The following ALDH3A2 variants were observed in gnomAD, a reference collection of about 807,000 sequenced individuals.
The protein encoded by ALDH3A2 is aldehyde dehydrogenase family 3 member A2.
A neutral mutation model predicts 51.3 loss-of-function variants in ALDH3A2; 36 were observed. The ratio of observed to expected loss-of-function variants is 0.70; its 90% CI spans 0.54 to 0.93. The LOEUF (loss-of-function observed/expected upper bound fraction) is 0.93. ALDH3A2 is among the 40% of genes least tolerant of loss of function. The pLI is 0.00. For missense variants in ALDH3A2, 552 were observed against 603.1 expected (o/e 0.92, Z 0.89); for synonymous variants, 199 against 219.8 (o/e 0.91, Z 0.84).
intron 9 of ALDH3A2, among the ~76,000 whole-genome samples, chr17:19,673,833 A>G (rs1313516696): frequency 6.6e-6 from 1 of 152,240 alleles, no homozygotes; most frequent in Non-Finnish European, 1.5e-5. Flanking sequence ...AAAAGGGTGA[A>G]GTGACTTGCT....
rs1195431203 is a variant in ALDH3A2 at position 19,652,596 on chromosome 17, G to A, written c.435G>A (p.Lys145=). The stretch of plus-strand genomic sequence containing the variant: ...CTGAACTGAGTGAAAATACAGCCAA[G>A]ATCTTGGCAAAGCTTCTCCCTCAGT... ...KPSELSENTA[K]ILAKLLPQYL... is the part of the protein sequence containing the mutation. Residue 145 remains lysine, a synonymous_variant, in exon 3 of 10, where the codon AAG becomes AAA. Transcript: ENST00000176643. 5 of 1,613,968 alleles carry A rather than the reference G, an allele frequency of 3.1e-6. No individual in the cohort carries two copies. Among genetic ancestry groups the A allele is most frequent in the Non-Finnish European group, 4.2e-6 (5 of 1,179,960 alleles).
At chr17:19,648,719 G>A, upstream of ALDH3A2, 1 of 566,344 alleles carries the variant, frequency 1.8e-6, no homozygotes, top group Admixed American at 3.1e-5. Flanking sequence ...GGGCCGCCCA[G>A]GCCAATAGGG....
intron 8 of ALDH3A2, among the ~76,000 whole-genome samples, chr17:19,668,270 C>T (rs114034513): frequency 0.022 from 3,410 of 152,096 alleles, 68 homozygotes; most frequent in African/African-American, 0.051. Context: ...TATTTAGAGA[C>T]AGAGTCTCAC....
In ALDH3A2 at chr17:19,651,619, C is replaced by T. The variant is rs2084815700; in HGVS notation, c.226C>T (p.Pro76Ser). The change falls in exon 2 of 10, where the codon CCT becomes TCT. Residue 76 changes from proline to serine, a missense_variant. Physicochemically the swap from Pro to Ser is moderately conservative, Grantham distance 74. Transcript: ENST00000176643. Reference protein sequence around the residue: ...GEIDFMLENLPEWVTAKPVKK... With the variant: ...GEIDFMLENLSEWVTAKPVKK... ...AATTGATTTTATGCTTGAGAATCTT[C>T]CTGAATGGGTTACTGCTAAACCAGT... 6.2e-7 allele frequency: 1 copy of T among 1,614,178 alleles called. No individual in the cohort carries two copies.
intron 7 of ALDH3A2, 116 bp downstream of exon 7, chr17:19,663,615 A>G (rs2084997939): frequency 6.3e-6 from 8 of 1,259,964 alleles, no homozygotes; most frequent in East Asian, 2.5e-5. Flanking sequence ...CTTTTGTGTC[A>G]TGTCAGAGTC....
intron 3 of ALDH3A2, among the ~76,000 whole-genome samples, chr17:19,655,751 A>G (rs138744243): frequency 7.9e-5 from 12 of 152,348 alleles, no homozygotes; most frequent in African/African-American, 2.6e-4. Context: ...TGATAGCACA[A>G]TGCATAGATG....
intron 5 of ALDH3A2, among the ~76,000 whole-genome samples, chr17:19,659,028 T>TA (rs1384281427): frequency 6.6e-6 from 1 of 152,034 alleles, no homozygotes; most frequent in African/African-American, 2.4e-5. Context: ...GGTGAGGAGT[T>TA]AGAGACCAGT....
chr17:19,664,043 C>A (rs1335490847), intron 7 of ALDH3A2, among the ~76,000 whole-genome samples: 1 of 152,164 alleles, frequency 6.6e-6, no homozygotes, highest in Non-Finnish European at 1.5e-5. Context: ...CACTAGGTGA[C>A]CAGCCGCTAC....
intron 6 of ALDH3A2, chr17:19,661,479 C>T (rs2084965908): frequency 1.7e-6 from 1 of 579,636 alleles, no homozygotes; most frequent in Non-Finnish European, 3.0e-6. Context: ...ACCAGCGTTG[C>T]TCCAGTTGTT....
intron 1 of ALDH3A2, 44 bp from the exon 2 acceptor site, chr17:19,651,503 A>G: frequency 6.6e-7 from 1 of 1,511,346 alleles, no homozygotes; most frequent in Non-Finnish European, 9.2e-7. Flanking sequence ...GGCCAAGTGT[A>G]TCATACTTAC....
chr17:19,649,079 G>A lies in ALDH3A2; in HGVS notation c.108G>A (p.Glu36=), dbSNP rs1408633572. 1 of 1,583,442 alleles carries A rather than the reference G, an allele frequency of 6.3e-7. No individual in the cohort carries two copies. Among genetic ancestry groups the A allele is most frequent in the African/African-American group, 1.3e-5 (1 of 74,496 alleles). The change falls in exon 1 of 10, where the codon GAG becomes GAA. Residue 36 remains glutamate (E), a synonymous_variant. Coordinates refer to ENST00000176643, the MANE Select transcript of ALDH3A2 (RefSeq NM_000382.3). ...AGGCCCTGCGGAGGATGGTGCAGGA[G>A]CGCGAGAAGGATATCCTGACGGCCA... ...QLEALRRMVQ[E]REKDILTAIA...
intron 2 of ALDH3A2, among the ~76,000 whole-genome samples, chr17:19,651,984 C>G (rs954343865): frequency 5.9e-5 from 9 of 152,068 alleles, no homozygotes; most frequent in Non-Finnish European, 1.3e-4. Flanking sequence ...TTTGAAGCAC[C>G]TGGGGAATGA....
rs941765617 is a variant in ALDH3A2 at position 19,672,275 on chromosome 17, A to T, written c.1443+319A>T. ...GGTCTAAGAGATTAAAACAGCGTAG[A>T]ACTTGATTGCAGAATTCTGAGCTGT... On this transcript the variant is annotated intron_variant, in intron 9 of 9. Transcript: ENST00000176643. 39 of 399,756 alleles carry T rather than the reference A, an allele frequency of 9.8e-5. No homozygotes were observed. The Admixed American group carries it at 1.5e-3, about 15-fold the overall frequency. 24.8% of individuals were successfully genotyped at this position (399,756 alleles called of 1,614,324 possible). A position where few individuals can be genotyped will look rare whatever the true frequency, so the allele number is the denominator to read the frequency against.
chr17:19,649,195 G>A (rs2084780741), intron 1 of ALDH3A2, 71 bp downstream of exon 1: 2 of 1,518,058 alleles, frequency 1.3e-6, no homozygotes, highest in East Asian at 2.5e-5. Flanking sequence ...AGCTTCGGCT[G>A]GGTTTTGTTT....
At chr17:19,673,146 C>CTCAGAAATAG in intron 9 of ALDH3A2, 1 of 1,614,172 alleles carries the variant, frequency 6.2e-7, no homozygotes, top group Non-Finnish European at 8.5e-7. Flanking sequence ...TTTGGGTTTT[C>CTCAGAAATAG]TCAGAAATAC....
At chr17:19,675,341 T>G in intron 9 of ALDH3A2, 1 of 598,284 alleles carries the variant, frequency 1.7e-6, no homozygotes, top group Non-Finnish European at 3.0e-6. Context: ...CTTACTCTTA[T>G]TGTTATTGTT....
Position 19,677,117 on chromosome 17 carries a change from A to T in ALDH3A2, c.*1545A>T, listed in dbSNP as rs2085202161. The stretch of plus-strand genomic sequence containing the variant: ...TGGAATGCAGCATTACCTGCTGGAC[A>T]GAGCAGGGCAGGCAGTTCTATGCCT... On this transcript the variant is annotated 3_prime_UTR_variant, in exon 10 of 10. Coordinates refer to ENST00000176643, the MANE Select transcript of ALDH3A2 (RefSeq NM_000382.3). The T allele has an allele frequency of 6.6e-6, 1 of 152,264 alleles. No homozygotes were observed. The highest frequency in any genetic ancestry group is 2.4e-5 in the African/African-American group (1 of 41,464). 9.4% of individuals were successfully genotyped at this position (152,264 alleles called of 1,614,324 possible).
chr17:19,671,129 G>A (rs1215920133), intron 8 of ALDH3A2, among the ~76,000 whole-genome samples: 12 of 152,194 alleles, frequency 7.9e-5, no homozygotes, highest in Admixed American at 7.9e-4. Flanking sequence ...GCTTTGTGGA[G>A]GGCAGAGATT....
intron 8 of ALDH3A2, among the ~76,000 whole-genome samples, chr17:19,669,206 G>C (rs1321804375): frequency 1.3e-5 from 2 of 151,996 alleles, no homozygotes; most frequent in Non-Finnish European, 2.9e-5. Flanking sequence ...GGGAGGCTGA[G>C]GCAGAAGAAT....
Sources: gnomAD v4.1 joint callset for allele counts (sites outside exome capture counted in the v4.1 genomes callset) on GRCh38, gnomAD v4.1.1 for gene constraint, MANE v1.5 for transcripts, NCBI Gene and HGNC (gene_info 2026-07-23, HGNC 2026-07-21) for gene names.